Variants in CAPZA2 observed in about 807,000 individuals in gnomAD.
The protein encoded by CAPZA2 is capping actin protein of muscle Z-line subunit alpha 2, also known as F-actin-capping protein subunit alpha-2.
CAPZA2 carries 13 observed loss-of-function variants against 44.0 expected under a neutral mutation model. The ratio of observed to expected loss-of-function variants is 0.30; its 90% CI spans 0.19 to 0.47. CAPZA2 has a LOEUF of 0.47. Among genes scored for constraint, CAPZA2 ranks in the 20% least tolerant of loss-of-function variants. The pLI is 1.00. For missense variants in CAPZA2, 244 were observed against 338.6 expected (o/e 0.72, Z 2.19); for synonymous variants, 94 against 108.2 (o/e 0.87, Z 0.81).
At chr7:116,896,393 A>G (rs559587470) in intron 3 of CAPZA2, among the ~76,000 whole-genome samples, 1 of 152,274 alleles carries the variant, frequency 6.6e-6, no homozygotes, top group Admixed American at 6.5e-5. Context: ...TGATGATGAG[A>G]TAAATAAGCC....
At chr7:116,905,605 C>T (rs775074224) in intron 5 of CAPZA2, among the ~76,000 whole-genome samples, 1 of 152,164 alleles carries the variant, frequency 6.6e-6, no homozygotes, top group Non-Finnish European at 1.5e-5. Context: ...GCAACATAAC[C>T]TCAAATATCT....
Position 116,883,467 on chromosome 7 carries a change from G to T in CAPZA2, c.40-4660G>T, listed in dbSNP as rs753743053. Among the ~76,000 whole-genome samples the T allele has an allele frequency of 3.9e-4, 60 of 152,336 alleles. 1 individual carries two copies. The highest frequency in any genetic ancestry group is 6.8e-3 in the Middle Eastern group (2 of 294). On this transcript the variant is annotated intron_variant, in intron 1 of 9. Coordinates refer to ENST00000361183, the MANE Select transcript of CAPZA2 (RefSeq NM_006136.3). ...ATCCTTTCTTTTGTCTAGGGCCTGA[G>T]AAATCCAAAGGTCAGATTCTTACCT... is the stretch of plus-strand genomic sequence containing the variant.
intron 1 of CAPZA2, among the ~76,000 whole-genome samples, chr7:116,886,926 C>G (rs1796769276): frequency 6.6e-6 from 1 of 152,204 alleles, no homozygotes; most frequent in South Asian, 2.1e-4. Context: ...TGATTAATCT[C>G]TTTATCAAAA....
rs1268691015 is a variant in CAPZA2, at chr7:116,916,094, T to C, written c.692T>C (p.Ile231Thr). Residue 231 changes from isoleucine (I) to threonine (T), a missense_variant, in exon 9 of 10, where the codon ATT becomes ACT. Physicochemically the swap from Ile to Thr is moderately conservative, Grantham distance 89 (BLOSUM62 -1). Transcript: ENST00000361183. The part of the protein sequence containing the change: ...EVQTAKEFIK[I>T]VEAAENEYQT... ...CAAACAGCAAAAGAATTTATAAAGA[T>C]TGTAGAAGCTGCAGAAAATGAATAC... The C allele has an allele frequency of 6.5e-7, 1 of 1,542,102 alleles. No homozygotes were observed. Among genetic ancestry groups the C allele is most frequent in the Non-Finnish European group, 8.7e-7 (1 of 1,150,818 alleles).
chr7:116,879,169 T>C (rs1378098060), intron 1 of CAPZA2, among the ~76,000 whole-genome samples: 1 of 149,362 alleles, frequency 6.7e-6, no homozygotes, highest in African/African-American at 2.5e-5. Flanking sequence ...ACTGGGACTA[T>C]GCTAATGCAG....
intron 1 of CAPZA2, among the ~76,000 whole-genome samples, chr7:116,873,028 G>A (rs1339975738): frequency 6.6e-6 from 1 of 152,114 alleles, no homozygotes; most frequent in Non-Finnish European, 1.5e-5. Flanking sequence ...AGCTTTCCAG[G>A]TGAGTCTGAC....
chr7:116,875,861 T>C (rs1796613003), intron 1 of CAPZA2: 1 of 152,134 alleles, frequency 6.6e-6, no homozygotes, highest in Admixed American at 6.5e-5. Flanking sequence ...CATTTTAAAA[T>C]GTTTATGTTA....
At position 116,910,262 on chromosome 7, in the gene CAPZA2, T is replaced by G. The variant is rs1294048309; in HGVS notation, c.536T>G (p.Phe179Cys). Reference sequence around the variant, plus strand: ...GGTCGTTGGAGGTCAGAATGGAAGTTTACAATCACTCCTTCAACCACTCAA... The same window carrying G: ...GGTCGTTGGAGGTCAGAATGGAAGTGTACAATCACTCCTTCAACCACTCAA... ...WNGRWRSEWK[F>C]TITPSTTQVV... Residue 179 changes from phenylalanine to cysteine, a missense_variant, in exon 7 of 10, where the codon TTT (phenylalanine) becomes TGT (cysteine). Coordinates refer to ENST00000361183, the MANE Select transcript of CAPZA2 (RefSeq NM_006136.3). 1 of 1,602,746 alleles carries G rather than the reference T, an allele frequency of 6.2e-7. No individual in the cohort carries two copies.
chr7:116,896,586 C>T (rs1266734708), intron 3 of CAPZA2, among the ~76,000 whole-genome samples: 1 of 152,010 alleles, frequency 6.6e-6, no homozygotes, highest in Non-Finnish European at 1.5e-5. Flanking sequence ...AATGATGTGG[C>T]TAAACTTAGG....
At chr7:116,887,741 G>A (rs186395906) in intron 1 of CAPZA2, among the ~76,000 whole-genome samples, 2 of 152,378 alleles carry the variant, frequency 1.3e-5, no homozygotes, top group East Asian at 3.9e-4. Flanking sequence ...GCCAAGGCAG[G>A]AGAATCACGT....
At chr7:116,881,212 A>G (rs1796693219) in intron 1 of CAPZA2, among the ~76,000 whole-genome samples, 2 of 152,170 alleles carry the variant, frequency 1.3e-5, no homozygotes, top group South Asian at 4.1e-4. Context: ...TTGAATGATG[A>G]CTGCTAACTT....
intron 1 of CAPZA2, among the ~76,000 whole-genome samples, chr7:116,868,402 C>T (rs1037180962): frequency 1.3e-5 from 2 of 152,174 alleles, no homozygotes; most frequent in East Asian, 3.9e-4. Flanking sequence ...ACAATATAAG[C>T]TGCCATTGTA....
At chr7:116,884,619 G>C (rs571765814) in intron 1 of CAPZA2, among the ~76,000 whole-genome samples, 1 of 152,274 alleles carries the variant, frequency 6.6e-6, no homozygotes, top group East Asian at 1.9e-4. Context: ...TTATTGCTGA[G>C]TGATATTTCA....
chr7:116,881,938 A>T (rs185008566), intron 1 of CAPZA2, among the ~76,000 whole-genome samples: 1 of 152,150 alleles, frequency 6.6e-6, no homozygotes, highest in East Asian at 1.9e-4. Flanking sequence ...ATTATTTTGT[A>T]GGCTGTCCCT....
chr7:116,903,795 A>C (rs1797025715), intron 4 of CAPZA2, among the ~76,000 whole-genome samples: 1 of 152,144 alleles, frequency 6.6e-6, no homozygotes, highest in Non-Finnish European at 1.5e-5. Context: ...TCAGGTAACC[A>C]CCCTGATTGG....
chr7:116,901,100 G>A (rs1448002514), intron 4 of CAPZA2, among the ~76,000 whole-genome samples: 5 of 152,004 alleles, frequency 3.3e-5, no homozygotes, highest in African/African-American at 1.2e-4. Context: ...ACAGTGTGGC[G>A]ATTCCTCAGA....
intron 7 of CAPZA2, 130 bp from the exon 8 acceptor site, chr7:116,911,939 T>C: frequency 6.8e-7 from 1 of 1,470,636 alleles, no homozygotes; most frequent in Non-Finnish European, 9.1e-7. Flanking sequence ...GTTCAAAAGT[T>C]TTGGGGCTCA....
chr7:116,900,222 T>A (rs1340076415), intron 4 of CAPZA2, among the ~76,000 whole-genome samples: 1 of 151,902 alleles, frequency 6.6e-6, no homozygotes, highest in Non-Finnish European at 1.5e-5. Context: ...TAAAATAATT[T>A]TAGTTAAAAT....
chr7:116,901,318 A>T (rs1796991389), intron 4 of CAPZA2, among the ~76,000 whole-genome samples: 1 of 152,202 alleles, frequency 6.6e-6, no homozygotes, highest in Admixed American at 6.5e-5. Flanking sequence ...ATAGAATACT[A>T]TGCAGCCGTG....
Sources: gnomAD v4.1 joint callset for allele counts (sites outside exome capture counted in the v4.1 genomes callset) on GRCh38, gnomAD v4.1.1 for gene constraint, MANE v1.5 for transcripts, NCBI Gene and HGNC (gene_info 2026-07-23, HGNC 2026-07-21) for gene names.